ITPR1: variants seen among roughly 807,000 people sequenced by gnomAD.
ITPR1 encodes the protein inositol 1,4,5-trisphosphate-gated calcium channel ITPR1.
In ITPR1, 96 loss-of-function variants were observed where a neutral mutation model predicts 318.4. The ratio of observed to expected loss-of-function variants is 0.30; its 90% CI spans 0.26 to 0.36. The LOEUF (loss-of-function observed/expected upper bound fraction) is 0.36. ITPR1 is among the 10% of genes least tolerant of loss of function. The pLI, the probability that ITPR1 is intolerant of heterozygous loss-of-function variation, is 1.00. For missense variants in ITPR1, 2,440 were observed against 3,460.2 expected, an observed-to-expected ratio of 0.71 and a Z score of 7.40; for synonymous variants, 1,312 against 1,289.9, an observed-to-expected ratio of 1.02 and a Z score of -0.37.
chr3:4,622,099 A>G (rs1188429469), intron 4 of ITPR1, among the ~76,000 whole-genome samples: 1 of 149,526 alleles, frequency 6.7e-6, no homozygotes, highest in Admixed American at 6.7e-5. Flanking sequence ...TTGTACCAGC[A>G]CATAGTAGAC....
At chr3:4,626,139 C>T (rs1165271249) in intron 4 of ITPR1, among the ~76,000 whole-genome samples, 1 of 151,900 alleles carries the variant, frequency 6.6e-6, no homozygotes, top group Non-Finnish European at 1.5e-5. Context: ...CATAGCAAGT[C>T]CCTATCTCTT....
chr3:4,496,161 A>G (rs936462088), intron 2 of ITPR1, among the ~76,000 whole-genome samples: 3 of 152,248 alleles, frequency 2.0e-5, no homozygotes, highest in Non-Finnish European at 4.4e-5. Flanking sequence ...TGAGTAGGTT[A>G]AAAGGATCAG....
chr3:4,594,861 G>T (rs1470916422), intron 4 of ITPR1, among the ~76,000 whole-genome samples: 2 of 152,208 alleles, frequency 1.3e-5, no homozygotes, highest in Non-Finnish European at 2.9e-5. Context: ...TGAGTATGCA[G>T]CAGTCTCTGC....
At chr3:4,702,971 G>A (rs777514650) in intron 36 of ITPR1, 21 bp downstream of exon 36, 29 of 1,605,042 alleles carry the variant, frequency 1.8e-5, no homozygotes, top group East Asian at 6.7e-5. Flanking sequence ...AAGTCAGTTT[G>A]GATATACGTG....
chr3:4,630,546 A>G (rs1021140322), intron 5 of ITPR1, among the ~76,000 whole-genome samples: 5 of 141,100 alleles, frequency 3.5e-5, no homozygotes, highest in African/African-American at 5.3e-5. Context: ...TTTTTTTACT[A>G]TTTTAAATTG....
Position 4,826,984 on chromosome 3 carries a change from C to T in ITPR1, c.8028+8742C>T, listed in dbSNP as rs542197961. On this transcript the variant is annotated intron_variant, in intron 60 of 61. Transcript: ENST00000649015. The surrounding 1 kb of genome is among the most constrained non-coding windows in gnomAD (Gnocchi z 4.2). The stretch of plus-strand genomic sequence containing the variant: ...TGAGGGTTATGCACAGACATTGTTC[C>T]GTCAGCCACTGAAGACTCGCTTCAC... 1.2e-3 allele frequency among the ~76,000 whole-genome samples: 189 copies of T among 152,276 alleles called. 4 individuals carry two copies. Among genetic ancestry groups the T allele is most frequent in the Non-Finnish European group, 8.8e-4 (60 of 68,010 alleles).
intron 4 of ITPR1, among the ~76,000 whole-genome samples, chr3:4,543,151 T>C (rs2084627626): frequency 6.6e-6 from 1 of 151,922 alleles, no homozygotes; most frequent in African/African-American, 2.4e-5. Context: ...ACACCTATAG[T>C]TTCAGCTACT....
At chr3:4,601,069 G>A (rs1398564791) in intron 4 of ITPR1, among the ~76,000 whole-genome samples, 1 of 151,900 alleles carries the variant, frequency 6.6e-6, no homozygotes, top group African/African-American at 2.4e-5. Context: ...AGAGGGTTTG[G>A]TAGACATGAA....
At chr3:4,585,891 A>G (rs771498827) in intron 4 of ITPR1, among the ~76,000 whole-genome samples, 1 of 151,950 alleles carries the variant, frequency 6.6e-6, no homozygotes, top group Non-Finnish European at 1.5e-5. Flanking sequence ...CCTTCATTAG[A>G]TATTTCTCCT....
At chr3:4,588,182 T>C (rs1391137829) in intron 4 of ITPR1, among the ~76,000 whole-genome samples, 1 of 152,192 alleles carries the variant, frequency 6.6e-6, no homozygotes, top group African/African-American at 2.4e-5. Context: ...AATGATTTTC[T>C]ATTATATAAG....
chr3:4,609,085 T>TACAC (rs1200513116), intron 4 of ITPR1, among the ~76,000 whole-genome samples: 12 of 91,350 alleles, frequency 1.3e-4, no homozygotes, highest in South Asian at 1.0e-3. Context: ...TATATATATA[T>TACAC]ATATACACAC....
rs780454319 is a variant in ITPR1 at position 4,674,331 on chromosome 3, G to C, written c.2586G>C (p.Lys862Asn). The C allele has an allele frequency of 1.0e-5, 16 of 1,606,960 alleles. No individual in the cohort carries two copies. Among genetic ancestry groups the C allele is most frequent in the Non-Finnish European group, 1.4e-5 (16 of 1,176,608 alleles). Residue 862 changes from lysine to asparagine, a missense_variant, in exon 22 of 62, where the codon AAG (lysine) becomes AAC (asparagine). By Grantham distance (94) the Lys-to-Asn change is moderately conservative. Coordinates refer to ENST00000649015, the MANE Select transcript of ITPR1 (RefSeq NM_001378452.1). ...RFPFSDKEKN[K>N]LTFEVVNLAR... ...CTTTCTCTGATAAAGAGAAGAATAA[G>C]CTTACGTTTGAGGTAACTCATGATG...
intron 36 of ITPR1, among the ~76,000 whole-genome samples, chr3:4,705,666 T>C (rs2094741897): frequency 6.6e-6 from 1 of 152,202 alleles, no homozygotes; most frequent in South Asian, 2.1e-4. Flanking sequence ...GAGTTCTCCT[T>C]TTTTAAGACG....
chr3:4,784,890 T>C (rs539669751), intron 51 of ITPR1, among the ~76,000 whole-genome samples: 2 of 151,380 alleles, frequency 1.3e-5, no homozygotes, highest in South Asian at 2.1e-4. Context: ...GAGCAAGCTG[T>C]CTCAAAAAAA....
chr3:4,847,314 G>T lies in ITPR1; in HGVS notation c.*1089G>T, dbSNP rs940486538. 11 of 150,678 alleles carry T rather than the reference G, an allele frequency of 7.3e-5. No homozygotes were observed. Among genetic ancestry groups the T allele is most frequent in the Non-Finnish European group, 1.5e-4 (10 of 67,836 alleles). 9.3% of individuals were successfully genotyped at this position (150,678 alleles called of 1,614,324 possible). A position where few individuals can be genotyped will look rare whatever the true frequency, so the allele number is the denominator to read the frequency against. ...TTGTCACATGATTTCTTTTCTTGAT[G>T]GATGAAAAATATGAAAGGAAACTTT... is the stretch of plus-strand genomic sequence containing the variant. On this transcript the variant is annotated 3_prime_UTR_variant, in exon 62 of 62. Transcript: ENST00000649015.
chr3:4,844,299 C>T (rs1389627242), intron 61 of ITPR1, among the ~76,000 whole-genome samples: 2 of 151,640 alleles, frequency 1.3e-5, no homozygotes, highest in East Asian at 3.9e-4. Flanking sequence ...TTTTTTTTCC[C>T]CTTTGGTAGA....
At chr3:4,783,779 GAC>G in intron 50 of ITPR1, 35 bp from the exon 51 acceptor site, 1 of 1,462,692 alleles carries the variant, frequency 6.8e-7, no homozygotes, top group Non-Finnish European at 9.4e-7. Flanking sequence ...GTTGTGAAGA[GAC>G]ACCAACCTCC....
chr3:4,845,499 G>A (rs955874486), intron 61 of ITPR1, among the ~76,000 whole-genome samples: 1 of 152,146 alleles, frequency 6.6e-6, no homozygotes, highest in Non-Finnish European at 1.5e-5. Flanking sequence ...CTAGTCTTAG[G>A]CAATGGTCTC....
chr3:4,664,929 T>A (rs1279525893), intron 16 of ITPR1, among the ~76,000 whole-genome samples: 1 of 152,222 alleles, frequency 6.6e-6, no homozygotes, highest in African/African-American at 2.4e-5. Flanking sequence ...GTTAGGTGTA[T>A]GAGGACCAGT....
Sources: allele counts gnomAD v4.1 joint callset (sites outside exome capture counted in the v4.1 genomes callset), GRCh38; gene constraint gnomAD v4.1.1; non-coding constraint Gnocchi (gnomAD v3.1); transcripts MANE v1.5; gene names NCBI Gene and HGNC (gene_info 2026-07-23, HGNC 2026-07-21).